Variants in TBCK observed in about 807,000 individuals in gnomAD.
TBCK encodes the protein TBC1 domain containing kinase.
TBCK carries 99 observed loss-of-function variants against 113.4 expected under a neutral mutation model. The observed-to-expected ratio is 0.87, with a 90% CI of 0.74 to 1.03. The LOEUF (loss-of-function observed/expected upper bound fraction) is 1.03, where lower values mean the gene tolerates loss of function less well. Ranked by LOEUF, TBCK falls within the 50% of genes least tolerant of loss-of-function variation. The pLI is 0.00. For missense variants in TBCK, 1,045 were observed against 1,061.3 expected (o/e 0.98, Z 0.21); for synonymous variants, 369 against 370.8 (o/e 1.00, Z 0.05).
At chr4:106,219,381 TA>T (rs1394549526) in intron 19 of TBCK, among the ~76,000 whole-genome samples, 2 of 149,178 alleles carry the variant, frequency 1.3e-5, no homozygotes, top group Admixed American at 6.7e-5. Flanking sequence ...AATAAAAAAA[TA>T]AAAAAATAAA....
intron 23 of TBCK, among the ~76,000 whole-genome samples, chr4:106,148,017 G>C (rs1040675858): frequency 6.6e-6 from 1 of 152,198 alleles, no homozygotes; most frequent in Non-Finnish European, 1.5e-5. Context: ...GGCTGTAGGG[G>C]TGAAATATAC....
At chr4:106,224,988 C>T (rs1758081216) in intron 19 of TBCK, among the ~76,000 whole-genome samples, 1 of 152,130 alleles carries the variant, frequency 6.6e-6, no homozygotes, top group Admixed American at 6.5e-5. Flanking sequence ...TACTTGTCTC[C>T]TAGACTTATA....
intron 24 of TBCK, among the ~76,000 whole-genome samples, chr4:106,113,563 C>T (rs929235838): frequency 3.3e-5 from 5 of 152,202 alleles, no homozygotes; most frequent in Middle Eastern, 6.8e-3. Context: ...CTTTGGATTC[C>T]AGCACGATCC....
chr4:106,146,035 C>T (rs1747755180), intron 23 of TBCK, among the ~76,000 whole-genome samples: 1 of 152,134 alleles, frequency 6.6e-6, no homozygotes, highest in South Asian at 2.1e-4. Flanking sequence ...CCAGCCATCC[C>T]ATTACTGAGT....
chr4:106,260,491 T>C lies in TBCK; in HGVS notation c.401A>G (p.Lys134Arg). The C allele has an allele frequency of 7.3e-7, 1 of 1,367,316 alleles. No individual in the cohort carries two copies. The highest frequency in any genetic ancestry group is 9.7e-7 in the Non-Finnish European group (1 of 1,026,246). 84.7% of individuals were successfully genotyped at this position (1,367,316 alleles called of 1,614,324 possible). ...LDRKGHIKLAKFGLYHMTAHG... is the reference protein window; with the variant it reads ...LDRKGHIKLARFGLYHMTAHG... ...AGCTGTCATGTGATAAAGTCCAAAT[T>C]TAGCCAATTTAATATGTCCCTATGA... The change falls in exon 5 of 26, where the codon AAA becomes AGA. Residue 134 changes from lysine (K) to arginine (R), a missense_variant. Transcript: ENST00000394708.
intron 23 of TBCK, among the ~76,000 whole-genome samples, chr4:106,158,715 C>T (rs1749403177): frequency 6.6e-6 from 1 of 151,876 alleles, no homozygotes; most frequent in Non-Finnish European, 1.5e-5. Context: ...GTGAATTCTA[C>T]CAAATATCTA....
chr4:106,123,005 A>C (rs1440923022), intron 23 of TBCK, among the ~76,000 whole-genome samples: 1 of 152,234 alleles, frequency 6.6e-6, no homozygotes, highest in Non-Finnish European at 1.5e-5. Flanking sequence ...TATTCAACAT[A>C]GTGTTGGAAG....
chr4:106,156,550 T>C (rs115349829), intron 23 of TBCK, among the ~76,000 whole-genome samples: 71 of 152,290 alleles, frequency 4.7e-4, no homozygotes, highest in African/African-American at 1.6e-3. Context: ...TAGTGTTCTA[T>C]TGTACTGTGG....
chr4:106,243,732 G>C (rs1349914931), intron 11 of TBCK, among the ~76,000 whole-genome samples: 2 of 152,024 alleles, frequency 1.3e-5, no homozygotes, highest in African/African-American at 4.8e-5. Context: ...ATTCACTCAG[G>C]CTGAAGTGCA....
rs545708185 is a variant in TBCK at position 106,279,519 on chromosome 4, C to CA, written c.266+15574dup. On this transcript the variant is annotated intron_variant, in intron 3 of 25. Coordinates refer to ENST00000394708, the MANE Select transcript of TBCK (RefSeq NM_001163435.3). ...ACAATAAATTATTGTTGACTATAGT[C>CA]ACAATGTTGTGCTATTAAATACCAG... Among the ~76,000 whole-genome samples, 246 of 152,192 alleles carry CA rather than the reference C, an allele frequency of 1.6e-3. 1 individual carries two copies. The highest frequency in any genetic ancestry group is 5.8e-3 in the African/African-American group (239 of 41,522).
chr4:106,061,266 A>G (rs1736012473), intron 25 of TBCK, among the ~76,000 whole-genome samples: 1 of 151,674 alleles, frequency 6.6e-6, no homozygotes, highest in African/African-American at 2.4e-5. Context: ...GATACGGCAA[A>G]CGTCATTGTT....
chr4:106,091,323 A>G (rs1237673849), intron 25 of TBCK, among the ~76,000 whole-genome samples: 2 of 152,196 alleles, frequency 1.3e-5, no homozygotes, highest in Non-Finnish European at 2.9e-5. Flanking sequence ...GAACTCACTT[A>G]TTACCATGGA....
At chr4:106,222,672 T>C (rs1757835665) in intron 19 of TBCK, among the ~76,000 whole-genome samples, 1 of 152,182 alleles carries the variant, frequency 6.6e-6, no homozygotes, top group African/African-American at 2.4e-5. Context: ...GGTTGGGAGT[T>C]ATGTATCTGT....
Position 106,248,947 on chromosome 4 carries a change from C to T in TBCK, c.694G>A (p.Glu232Lys). ...VDDTLIVLAE[E>K]HGCLDIIKEL... is the part of the protein sequence containing the mutation. ...TTTATAATGTCCAAACAACCATGCT[C>T]TTCAGCCAGAACTATTAAAGTGTCA... The change falls in exon 8 of 26, where the codon GAG becomes AAG. Residue 232 changes from glutamate (E) to lysine (K), a missense_variant. Physicochemically the swap from Glu to Lys is moderately conservative, Grantham distance 56. Transcript: ENST00000394708. 1 of 1,607,718 alleles carries T rather than the reference C, an allele frequency of 6.2e-7. No homozygotes were observed. Among genetic ancestry groups the T allele is most frequent in the Non-Finnish European group, 8.5e-7 (1 of 1,178,002 alleles).
At chr4:106,145,586 G>C (rs1243708788) in intron 23 of TBCK, among the ~76,000 whole-genome samples, 1 of 152,056 alleles carries the variant, frequency 6.6e-6, no homozygotes, top group Non-Finnish European at 1.5e-5. Context: ...ACATATAGAA[G>C]TTGTTTATAC....
intron 25 of TBCK, among the ~76,000 whole-genome samples, chr4:106,094,221 T>C: frequency 6.6e-6 from 1 of 152,202 alleles, no homozygotes; most frequent in East Asian, 1.9e-4. Flanking sequence ...AAGAGCAAAG[T>C]ATTTTCATGT....
At chr4:106,180,165 T>A (rs1006898934) in intron 22 of TBCK, among the ~76,000 whole-genome samples, 11 of 152,068 alleles carry the variant, frequency 7.2e-5, no homozygotes, top group Non-Finnish European at 1.2e-4. Context: ...TGTCTTTTTT[T>A]TTAAATCAAT....
intron 22 of TBCK, among the ~76,000 whole-genome samples, chr4:106,179,450 C>T (rs910416585): frequency 1.3e-5 from 2 of 151,892 alleles, no homozygotes; most frequent in Non-Finnish European, 2.9e-5. Flanking sequence ...TTCATTTGCA[C>T]ATTTTCTGTT....
At chr4:106,308,521 G>T (rs1035142108) in intron 2 of TBCK, among the ~76,000 whole-genome samples, 33 of 152,326 alleles carry the variant, frequency 2.2e-4, no homozygotes, top group African/African-American at 7.2e-4. Context: ...GCACAGACTA[G>T]ATCAAGGACT....
Sources: gnomAD v4.1 joint callset for allele counts (sites outside exome capture counted in the v4.1 genomes callset) on GRCh38, gnomAD v4.1.1 for gene constraint, MANE v1.5 for transcripts, NCBI Gene and HGNC (gene_info 2026-07-23, HGNC 2026-07-21) for gene names.